The following RIT2 variants were observed in gnomAD, a reference collection of about 807,000 sequenced individuals.
RIT2 encodes the protein Ras like without CAAX 2.
Under a neutral mutation model 23.7 loss-of-function variants are expected in RIT2, and 24 were observed. That is an observed-to-expected ratio of 1.01 (90% CI 0.73 to 1.43). The LOEUF (loss-of-function observed/expected upper bound fraction) is 1.43, where lower values mean the gene tolerates loss of function less well. Among genes scored for constraint, RIT2 ranks in the 40% most tolerant of loss-of-function variants. RIT2 has a pLI of 0.00. For missense variants in RIT2, 236 were observed against 266.9 expected (o/e 0.88, Z 0.81); for synonymous variants, 107 against 91.1 (o/e 1.17, Z -0.99).
At chr18:42,775,651 C>CTAAATGCTCTTGA (rs1913652231) in intron 4 of RIT2, among the ~76,000 whole-genome samples, 1 of 151,688 alleles carries the variant, frequency 6.6e-6, no homozygotes, top group Non-Finnish European at 1.5e-5. Context: ...GAGCCTAGAT[C>CTAAATGCTCTTGA]GCGCCACTGC....
intron 4 of RIT2, among the ~76,000 whole-genome samples, chr18:42,873,499 AT>A (rs1478617163): frequency 2.0e-5 from 3 of 152,018 alleles, no homozygotes; most frequent in East Asian, 3.9e-4. Context: ...ATCTAGGAAC[AT>A]TTTTTTCCCT....
intron 3 of RIT2, among the ~76,000 whole-genome samples, chr18:42,936,587 A>G (rs1394071919): frequency 1.3e-5 from 2 of 152,180 alleles, no homozygotes; most frequent in Non-Finnish European, 2.9e-5. Flanking sequence ...ACTCCTGTTC[A>G]TTCTGTGGTC....
intron 1 of RIT2, among the ~76,000 whole-genome samples, chr18:43,080,510 A>AC (rs1234546616): frequency 6.6e-6 from 1 of 152,166 alleles, no homozygotes; most frequent in African/African-American, 2.4e-5. Context: ...TGAATGACAA[A>AC]AAAAACCTAC....
intron 4 of RIT2, among the ~76,000 whole-genome samples, chr18:42,860,309 GAGA>G (rs1176384585): frequency 5.9e-5 from 9 of 152,190 alleles, no homozygotes; most frequent in African/African-American, 2.2e-4. Context: ...CCATGGAACT[GAGA>G]AGAAGGAGAT....
At position 42,976,928 on chromosome 18, in the gene RIT2, T is replaced by C. The variant is rs567714160; in HGVS notation, c.161-2781A>G. Among the ~76,000 whole-genome samples, 11 of 152,148 alleles carry C rather than the reference T, an allele frequency of 7.2e-5. No individual in the cohort carries two copies. The South Asian group carries it at 1.7e-3, about 23-fold the overall frequency. On this transcript the variant is annotated intron_variant, in intron 2 of 4. Coordinates refer to ENST00000326695, the MANE Select transcript of RIT2 (RefSeq NM_002930.4). ...CAAGATGTTTAGAAGGTAGAAACTA[T>C]AGCACTTAGTGACTAATTGTGTGAG...
chr18:42,747,406 C>G (rs1689227541), intron 4 of RIT2, among the ~76,000 whole-genome samples: 1 of 152,028 alleles, frequency 6.6e-6, no homozygotes, highest in South Asian at 2.1e-4. Flanking sequence ...ATAGACGACA[C>G]AAACAAATGA....
intron 3 of RIT2, among the ~76,000 whole-genome samples, chr18:42,929,725 C>T (rs1909279253): frequency 6.6e-6 from 1 of 152,124 alleles, no homozygotes. Context: ...AAGTGCAATG[C>T]CCTTCTGGGC....
intron 4 of RIT2, among the ~76,000 whole-genome samples, chr18:42,876,183 T>C (rs530779703): frequency 7.2e-5 from 11 of 151,996 alleles, no homozygotes; most frequent in Admixed American, 5.3e-4. Flanking sequence ...ACTTTTAGTA[T>C]AGAAATTAGA....
At chr18:43,012,140 G>A (rs1339251164) in intron 2 of RIT2, among the ~76,000 whole-genome samples, 1 of 151,780 alleles carries the variant, frequency 6.6e-6, no homozygotes, top group Non-Finnish European at 1.5e-5. Flanking sequence ...AGTTTCTTTA[G>A]TGATCATCTC....
chr18:42,899,282 A>G (rs1908413655), intron 4 of RIT2, among the ~76,000 whole-genome samples: 1 of 151,180 alleles, frequency 6.6e-6, no homozygotes, highest in Non-Finnish European at 1.5e-5. Context: ...CCTGTTTCTT[A>G]TCTTCACAGA....
At chr18:42,951,647 T>C (rs1007457085) in intron 3 of RIT2, among the ~76,000 whole-genome samples, 6 of 152,054 alleles carry the variant, frequency 3.9e-5, no homozygotes, top group African/African-American at 1.4e-4. Flanking sequence ...CACTTCTGAG[T>C]ATTCAACCAA....
In RIT2 at chr18:43,041,917, T is replaced by C. The variant is rs564068364; in HGVS notation, c.104-8050A>G. On this transcript the variant is annotated intron_variant, in intron 1 of 4. Transcript: ENST00000326695. ...AGAGGAAAATTATAGAAAGGGGTTA[T>C]TTCCTACAAAATAATATATATATAT... is the stretch of plus-strand genomic sequence containing the variant. 1.6e-3 allele frequency among the ~76,000 whole-genome samples: 242 copies of C among 152,106 alleles called. 1 individual carries two copies. The highest frequency in any genetic ancestry group is 5.5e-3 in the African/African-American group (227 of 41,426).
chr18:43,036,498 C>T (rs1234738149), intron 1 of RIT2, among the ~76,000 whole-genome samples: 1 of 152,124 alleles, frequency 6.6e-6, no homozygotes, highest in African/African-American at 2.4e-5. Flanking sequence ...CGAAATTGTG[C>T]CCCTGCACTC....
chr18:42,896,128 G>A (rs997392961), intron 4 of RIT2, among the ~76,000 whole-genome samples: 2 of 152,184 alleles, frequency 1.3e-5, no homozygotes, highest in African/African-American at 2.4e-5. Flanking sequence ...GCTAGGCGTG[G>A]TGGCAAGCGC....
chr18:42,944,951 T>C (rs1008692500), intron 3 of RIT2, among the ~76,000 whole-genome samples: 4 of 152,098 alleles, frequency 2.6e-5, no homozygotes, highest in African/African-American at 7.2e-5. Flanking sequence ...TTGAACCATC[T>C]AGGAGAGACA....
intron 1 of RIT2, among the ~76,000 whole-genome samples, chr18:43,071,762 T>C (rs1912902348): frequency 6.6e-6 from 1 of 152,220 alleles, no homozygotes; most frequent in African/African-American, 2.4e-5. Context: ...TTTATAATTT[T>C]ACCTTCTTTA....
At chr18:42,998,458 A>T (rs962991922) in intron 2 of RIT2, among the ~76,000 whole-genome samples, 1 of 151,968 alleles carries the variant, frequency 6.6e-6, no homozygotes, top group Admixed American at 6.6e-5. Flanking sequence ...TACTCTTTTT[A>T]GCCCATAAGC....
intron 2 of RIT2, among the ~76,000 whole-genome samples, chr18:42,976,276 A>G (rs1910476015): frequency 6.6e-6 from 1 of 152,112 alleles, no homozygotes; most frequent in Non-Finnish European, 1.5e-5. Context: ...AAAGAAAAAA[A>G]GAAAACCAGA....
At chr18:42,810,853 G>A (rs1422092846) in intron 4 of RIT2, among the ~76,000 whole-genome samples, 1 of 151,980 alleles carries the variant, frequency 6.6e-6, no homozygotes, top group Non-Finnish European at 1.5e-5. Context: ...TTTACACGTT[G>A]TGACTCCAGA....
Sources: gnomAD v4.1 joint callset for allele counts (sites outside exome capture counted in the v4.1 genomes callset) on GRCh38, gnomAD v4.1.1 for gene constraint, MANE v1.5 for transcripts, NCBI Gene and HGNC (gene_info 2026-07-23, HGNC 2026-07-21) for gene names.